The following SUSD6 variants were observed in gnomAD, a reference collection of about 807,000 sequenced individuals.
The protein encoded by SUSD6 is sushi domain containing 6, also known as sushi domain-containing protein 6.
In SUSD6, 16 loss-of-function variants were observed where a neutral mutation model predicts 28.4. That is an observed-to-expected ratio of 0.56 (90% CI 0.38 to 0.86). The LOEUF is 0.86. Among genes scored for constraint, SUSD6 ranks in the 40% least tolerant of loss-of-function variants. SUSD6 has a pLI of 0.00. For missense variants in SUSD6, 341 were observed against 384.2 expected, an observed-to-expected ratio of 0.89 and a Z score of 0.94; for synonymous variants, 147 against 159.6, an observed-to-expected ratio of 0.92 and a Z score of 0.59.
chr14:69,700,221 G>A (rs1886294739), intron 2 of SUSD6, among the ~76,000 whole-genome samples: 1 of 152,012 alleles, frequency 6.6e-6, no homozygotes, highest in Non-Finnish European at 1.5e-5. Context: ...TTTTGAGGCT[G>A]CTTTTCCTTA....
At chr14:69,637,976 G>T (rs1885289484) in intron 1 of SUSD6, among the ~76,000 whole-genome samples, 1 of 152,054 alleles carries the variant, frequency 6.6e-6, no homozygotes. Flanking sequence ...TTTTGTTCCA[G>T]CTGCTGCCCC....
At chr14:69,626,091 T>C (rs181290279) in intron 1 of SUSD6, among the ~76,000 whole-genome samples, 15 of 152,298 alleles carry the variant, frequency 9.8e-5, no homozygotes, top group African/African-American at 3.6e-4. Context: ...GGGCTCCTCT[T>C]CTGTGTATTT....
At chr14:69,632,968 C>G in intron 1 of SUSD6, among the ~76,000 whole-genome samples, 1 of 152,182 alleles carries the variant, frequency 6.6e-6, no homozygotes, top group East Asian at 1.9e-4. Flanking sequence ...TTCAATCTCT[C>G]TTGCCAGGTT....
At chr14:69,656,014 C>A (rs1885576868) in intron 1 of SUSD6, among the ~76,000 whole-genome samples, 1 of 152,074 alleles carries the variant, frequency 6.6e-6, no homozygotes, top group African/African-American at 2.4e-5. Flanking sequence ...TGCCTCCAGC[C>A]TCTGCCAGGA....
intron 1 of SUSD6, among the ~76,000 whole-genome samples, chr14:69,629,391 T>TA (rs1407756495): frequency 6.6e-6 from 1 of 152,142 alleles, no homozygotes; most frequent in Non-Finnish European, 1.5e-5. Context: ...GACTGGCCTG[T>TA]ACTCTACTGA....
At position 69,703,417 on chromosome 14, in the gene SUSD6, A is replaced by G; in HGVS notation, c.144A>G (p.Pro48=). The G allele has an allele frequency of 6.2e-7, 1 of 1,613,972 alleles. No individual in the cohort carries two copies. Residue 48 remains proline, a synonymous_variant, in exon 3 of 6, where the codon CCA becomes CCG. Transcript: ENST00000342745. ...LASVCPLPPE[P]ENGGYICHPR... ...CAGTGTGCCCCCTACCACCGGAGCCAGAGAATGGTGGCTACATCTGCCACC... is the reference window on the plus strand; with the variant it reads ...CAGTGTGCCCCCTACCACCGGAGCCGGAGAATGGTGGCTACATCTGCCACC...
intron 2 of SUSD6, among the ~76,000 whole-genome samples, chr14:69,680,212 C>G (rs958656170): frequency 2.6e-5 from 4 of 152,120 alleles, no homozygotes; most frequent in African/African-American, 9.7e-5. Flanking sequence ...CTCTGCAGCC[C>G]CTAACCCACA....
chr14:69,615,952 C>T (rs898485490), intron 1 of SUSD6, among the ~76,000 whole-genome samples: 5 of 152,216 alleles, frequency 3.3e-5, no homozygotes, highest in Admixed American at 3.3e-4. Flanking sequence ...GTTAGTAGAT[C>T]CTTAAAATTA....
At chr14:69,656,245 C>CT (rs2139613158) in intron 1 of SUSD6, among the ~76,000 whole-genome samples, 1 of 147,140 alleles carries the variant, frequency 6.8e-6, no homozygotes, top group South Asian at 2.4e-4. Context: ...TCTAGGCAGT[C>CT]TTTCCTGACT....
chr14:69,694,731 G>A (rs1381562311), intron 2 of SUSD6, among the ~76,000 whole-genome samples: 1 of 152,226 alleles, frequency 6.6e-6, no homozygotes, highest in Non-Finnish European at 1.5e-5. Flanking sequence ...GCAGGGTGCA[G>A]TAAAAGAAAG....
At chr14:69,627,677 G>C (rs368009234) in intron 1 of SUSD6, among the ~76,000 whole-genome samples, 307 of 152,048 alleles carry the variant, frequency 2.0e-3, no homozygotes, top group African/African-American at 7.3e-3. Flanking sequence ...TGTTAGCCAG[G>C]ATGGTCTCGA....
In SUSD6 at chr14:69,712,766, C is replaced by T. The variant is rs1886483453; in HGVS notation, c.*1787C>T. The stretch of plus-strand genomic sequence containing the variant: ...CCACTTGTAGTCTTCCTTCCTTCCT[C>T]TCAGGGTAAGGGCAGTGCCTGCTGT... On this transcript the variant is annotated 3_prime_UTR_variant, in exon 6 of 6. Transcript: ENST00000342745. 1 of 152,618 alleles carries T rather than the reference C, an allele frequency of 6.6e-6. No individual in the cohort carries two copies. The highest frequency in any genetic ancestry group is 6.5e-5 in the Admixed American group (1 of 15,280). The allele number at this position is 152,618 out of a possible 1,614,324, so 9.5% of individuals were successfully genotyped here. A position where few individuals can be genotyped will look rare whatever the true frequency, so the allele number is the denominator to read the frequency against.
chr14:69,675,542 CTT>C (rs5809439), intron 2 of SUSD6, among the ~76,000 whole-genome samples: 16 of 149,874 alleles, frequency 1.1e-4, no homozygotes, highest in Admixed American at 9.3e-4. Context: ...AGTTTCTGTG[CTT>C]TTTTTTTTTC....
rs1885592025 is a variant in SUSD6 at position 69,656,931 on chromosome 14, C to T, written c.-80-1582C>T. ...CTCTGCATGAACCATCCCTGTTCTA[C>T]AGTTTTAAAGGCTCAAACTGGAGTC... is the stretch of plus-strand genomic sequence containing the variant. On this transcript the variant is annotated intron_variant, in intron 1 of 5. Coordinates refer to ENST00000342745, the MANE Select transcript of SUSD6 (RefSeq NM_014734.4). Among the ~76,000 whole-genome samples the T allele has an allele frequency of 4.6e-5, 7 of 152,342 alleles. No individual in the cohort carries two copies. The South Asian group carries it at 1.4e-3, about 32-fold the overall frequency.
chr14:69,704,639 C>A lies in SUSD6; in HGVS notation c.355C>A (p.Leu119Met). The change falls in exon 4 of 6, where the codon CTG (leucine) becomes ATG (methionine). Residue 119 changes from leucine to methionine, a missense_variant. Coordinates refer to ENST00000342745, the MANE Select transcript of SUSD6 (RefSeq NM_014734.4). Reference protein sequence around the residue: ...DTHTSLGVPTLSIVASTASSV... With the variant: ...DTHTSLGVPTMSIVASTASSV... ...CCACACATCACTTGGGGTCCCCACG[C>A]TGTCTATAGTGGCTTCTACTGCCAG... 1 of 1,614,102 alleles carries A rather than the reference C, an allele frequency of 6.2e-7. No individual in the cohort carries two copies. The highest frequency in any genetic ancestry group is 8.5e-7 in the Non-Finnish European group (1 of 1,179,976).
chr14:69,623,242 CAT>C (rs1885067358), intron 1 of SUSD6, among the ~76,000 whole-genome samples: 2 of 152,174 alleles, frequency 1.3e-5, no homozygotes, highest in Admixed American at 1.3e-4. Context: ...AAAATACGAA[CAT>C]GTGCATACAG....
intron 2 of SUSD6, among the ~76,000 whole-genome samples, chr14:69,674,159 C>T (rs1250461264): frequency 6.6e-6 from 1 of 152,192 alleles, no homozygotes; most frequent in Non-Finnish European, 1.5e-5. Context: ...GAGAGAATGA[C>T]TGCATCACTG....
At chr14:69,647,659 A>C (rs1201605051) in intron 1 of SUSD6, among the ~76,000 whole-genome samples, 2 of 152,044 alleles carry the variant, frequency 1.3e-5, no homozygotes, top group African/African-American at 2.4e-5. Context: ...CTGGAAAAAA[A>C]AAAAAGGAAA....
intron 4 of SUSD6, 78 bp downstream of exon 4, chr14:69,704,820 G>C: frequency 6.6e-7 from 1 of 1,507,470 alleles, no homozygotes; most frequent in African/African-American, 1.4e-5. Flanking sequence ...GTGGAGGGTT[G>C]CTGGTGGCCC....
Sources: gnomAD v4.1 joint callset for allele counts (sites outside exome capture counted in the v4.1 genomes callset) on GRCh38, gnomAD v4.1.1 for gene constraint, MANE v1.5 for transcripts, NCBI Gene and HGNC (gene_info 2026-07-23, HGNC 2026-07-21) for gene names.